Variants in AGBL1 observed in about 807,000 individuals in gnomAD.
The protein encoded by AGBL1 is cytosolic carboxypeptidase 4.
A neutral mutation model predicts 118.9 loss-of-function variants in AGBL1; 130 were observed. The ratio of observed to expected loss-of-function variants is 1.09; its 90% CI spans 0.95 to 1.26. The LOEUF (loss-of-function observed/expected upper bound fraction) is 1.26. AGBL1 is among the 50% of genes most tolerant of loss of function. AGBL1 has a pLI of 0.00. For synonymous variants in AGBL1, 555 were observed against 478.9 expected (o/e 1.16, Z -2.08); for missense variants, 1,584 against 1,298.1 (o/e 1.22, Z -3.38).
intron 17 of AGBL1, among the ~76,000 whole-genome samples, chr15:86,386,621 T>C (rs2081199587): frequency 6.6e-6 from 1 of 151,990 alleles, no homozygotes; most frequent in Admixed American, 6.5e-5. Context: ...AGTCTCTGCT[T>C]ATCTGTCACC....
At chr15:86,087,332 CTT>C (rs565797859) in intron 1 of AGBL1, among the ~76,000 whole-genome samples, 40 of 135,380 alleles carry the variant, frequency 3.0e-4, no homozygotes, top group Non-Finnish European at 3.0e-4. Flanking sequence ...ATTTAATGGG[CTT>C]TTTTTTTTTT....
intron 17 of AGBL1, among the ~76,000 whole-genome samples, chr15:86,317,472 C>A (rs915784804): frequency 6.6e-6 from 1 of 152,162 alleles, no homozygotes; most frequent in Non-Finnish European, 1.5e-5. Context: ...GCAACACTTG[C>A]GAGCAATGTT....
chr15:86,407,129 A>G (rs1445897520), intron 18 of AGBL1, among the ~76,000 whole-genome samples: 2 of 152,150 alleles, frequency 1.3e-5, no homozygotes, highest in African/African-American at 4.8e-5. Flanking sequence ...TTTTCTGTCA[A>G]TCTGATTGGA....
intron 22 of AGBL1, among the ~76,000 whole-genome samples, chr15:86,870,549 G>C (rs1031722305): frequency 7.0e-6 from 1 of 142,804 alleles, no homozygotes; most frequent in Non-Finnish European, 1.5e-5. Context: ...AACATTGCTT[G>C]TGTGAAAACA....
intron 18 of AGBL1, among the ~76,000 whole-genome samples, chr15:86,447,089 G>A (rs929050569): frequency 2.0e-5 from 3 of 152,176 alleles, no homozygotes; most frequent in Non-Finnish European, 2.9e-5. Flanking sequence ...TGGTGATTCT[G>A]ATGATCAATG....
At chr15:86,901,400 G>A (rs575392631) in intron 22 of AGBL1, among the ~76,000 whole-genome samples, 1 of 151,996 alleles carries the variant, frequency 6.6e-6, no homozygotes, top group Admixed American at 6.6e-5. Context: ...GTTATAACTT[G>A]ATTTCATGCC....
chr15:86,365,034 C>T (rs1284261675), intron 17 of AGBL1, among the ~76,000 whole-genome samples: 1 of 111,360 alleles, frequency 9.0e-6, no homozygotes, highest in Non-Finnish European at 1.9e-5. Context: ...TATACACACA[C>T]ATATATATAC....
chr15:86,400,625 A>G (rs546085215), intron 18 of AGBL1, among the ~76,000 whole-genome samples: 58 of 133,582 alleles, frequency 4.3e-4, no homozygotes, highest in Admixed American at 8.6e-4. Context: ...CTTCCCCCAC[A>G]AGTCCCCAAA....
intron 21 of AGBL1, among the ~76,000 whole-genome samples, chr15:86,631,936 C>G (rs2084975367): frequency 6.6e-6 from 1 of 152,090 alleles, no homozygotes; most frequent in African/African-American, 2.4e-5. Flanking sequence ...CACCTGTAAT[C>G]CCAGCACTTT....
intron 17 of AGBL1, among the ~76,000 whole-genome samples, chr15:86,304,336 C>G (rs1285933246): frequency 6.6e-6 from 1 of 152,128 alleles, no homozygotes; most frequent in African/African-American, 2.4e-5. Flanking sequence ...TTCTCCATAG[C>G]TATGCATGGT....
At chr15:86,629,841 G>GA (rs1197714922) in intron 21 of AGBL1, among the ~76,000 whole-genome samples, 1 of 151,968 alleles carries the variant, frequency 6.6e-6, no homozygotes, top group African/African-American at 2.4e-5. Context: ...TTGCTAAAAG[G>GA]AAAAAAAGAG....
intron 22 of AGBL1, among the ~76,000 whole-genome samples, chr15:86,770,264 C>T (rs2078157889): frequency 6.6e-6 from 1 of 151,942 alleles, no homozygotes; most frequent in South Asian, 2.1e-4. Flanking sequence ...TCTAGTGGAA[C>T]AGATACATAA....
chr15:86,724,227 C>A (rs1363662388), intron 22 of AGBL1, among the ~76,000 whole-genome samples: 2 of 95,546 alleles, frequency 2.1e-5, no homozygotes, highest in African/African-American at 8.2e-5. Flanking sequence ...CAGAGTGAGA[C>A]TCCATCTCAA....
At chr15:86,956,458 G>C (rs1054688836) in intron 23 of AGBL1, among the ~76,000 whole-genome samples, 14 of 152,082 alleles carry the variant, frequency 9.2e-5, no homozygotes, top group Admixed American at 5.9e-4. Flanking sequence ...CAAGGCAGAA[G>C]CTGGAGATTC....
At chr15:86,856,834 C>T (rs892176212) in intron 22 of AGBL1, among the ~76,000 whole-genome samples, 1 of 152,204 alleles carries the variant, frequency 6.6e-6, no homozygotes, top group African/African-American at 2.4e-5. Flanking sequence ...CCCTATGGAC[C>T]AGGCATCACT....
chr15:87,019,042 G>A (rs930048227), intron 24 of AGBL1, among the ~76,000 whole-genome samples: 1 of 152,034 alleles, frequency 6.6e-6, no homozygotes, highest in African/African-American at 2.4e-5. Context: ...ATTACATAAT[G>A]GTAAAGGGTT....
chr15:86,713,796 T>TC lies in AGBL1; in HGVS notation c.3158+39363dup, dbSNP rs35653709. 4.0e-3 allele frequency among the ~76,000 whole-genome samples: 614 copies of TC among 152,050 alleles called. 3 individuals carry two copies. The highest frequency in any genetic ancestry group is 0.014 in the African/African-American group (575 of 41,438). The stretch of plus-strand genomic sequence containing the variant: ...CAGGCTAGAGAGTGTATTTTTTTTT[T>TC]CCCATGAATCTACTAAAAGAAATCC... On this transcript the variant is annotated intron_variant, in intron 22 of 22. Coordinates refer to ENST00000614907, the MANE Select transcript of AGBL1 (RefSeq NM_001386094.1).
At chr15:86,446,666 C>A (rs975152826) in intron 18 of AGBL1, among the ~76,000 whole-genome samples, 1 of 152,140 alleles carries the variant, frequency 6.6e-6, no homozygotes, top group Non-Finnish European at 1.5e-5. Context: ...GGATAGATTT[C>A]GACTCCCCTT....
At chr15:86,467,662 G>C (rs549240045) in intron 18 of AGBL1, among the ~76,000 whole-genome samples, 1 of 152,332 alleles carries the variant, frequency 6.6e-6, no homozygotes, top group East Asian at 1.9e-4. Flanking sequence ...AAGGTATAGT[G>C]TCTTGGCCAG....
Sources: gnomAD v4.1 joint callset for allele counts (sites outside exome capture counted in the v4.1 genomes callset) on GRCh38, gnomAD v4.1.1 for gene constraint, MANE v1.5 for transcripts, NCBI Gene and HGNC (gene_info 2026-07-23, HGNC 2026-07-21) for gene names.